Variants in RTN1 observed in about 807,000 individuals in gnomAD.
RTN1 encodes reticulon 1, also known as reticulon-1.
RTN1 carries 25 observed loss-of-function variants against 65.5 expected under a neutral mutation model. That is an observed-to-expected ratio of 0.38 (90% CI 0.28 to 0.53). RTN1 has a LOEUF of 0.53. RTN1 is among the 20% of genes least tolerant of loss of function. RTN1 has a pLI of 0.79. For synonymous variants in RTN1, 471 were observed against 447.6 expected (o/e 1.05, Z -0.66); for missense variants, 983 against 1,025.4 (o/e 0.96, Z 0.57).
At position 59,603,130 on chromosome 14, in the gene RTN1, A is replaced by G; in HGVS notation, c.2230-7T>C. 1 of 1,610,420 alleles carries G rather than the reference A, an allele frequency of 6.2e-7. No homozygotes were observed. ...GATATTGGTCAATCTGTGCCTACAT[A>G]AAGAAAAAAAAAATAATGAGCATAT... On this transcript the variant is annotated splice_polypyrimidine_tract_variant and splice_region_variant and intron_variant, in intron 7 of 8. Coordinates refer to ENST00000267484, the MANE Select transcript of RTN1 (RefSeq NM_021136.3).
chr14:59,715,730 G>T (rs1455069243), intron 3 of RTN1, among the ~76,000 whole-genome samples: 1 of 151,816 alleles, frequency 6.6e-6, no homozygotes, highest in Non-Finnish European at 1.5e-5. Context: ...GGAGGCTGAG[G>T]CAAGAGAATT....
chr14:59,741,344 T>C (rs1292413477), intron 2 of RTN1, among the ~76,000 whole-genome samples: 3 of 152,168 alleles, frequency 2.0e-5, no homozygotes, highest in Non-Finnish European at 2.9e-5. Flanking sequence ...AAGCCTCTCC[T>C]CACCCCCACC....
chr14:59,669,342 A>G (rs935552635), intron 3 of RTN1, among the ~76,000 whole-genome samples: 2 of 152,148 alleles, frequency 1.3e-5, no homozygotes, highest in African/African-American at 4.8e-5. Context: ...ATTCTCTTCA[A>G]ATTATCACAA....
intron 3 of RTN1, among the ~76,000 whole-genome samples, chr14:59,655,262 G>A (rs1372430061): frequency 6.6e-6 from 1 of 152,086 alleles, no homozygotes; most frequent in Non-Finnish European, 1.5e-5. Flanking sequence ...ATGAGCAAAA[G>A]TCATACCCTG....
At chr14:59,782,165 C>A (rs1886167452) in intron 1 of RTN1, among the ~76,000 whole-genome samples, 1 of 152,112 alleles carries the variant, frequency 6.6e-6, no homozygotes, top group Non-Finnish European at 1.5e-5. Context: ...TTGATCTTGA[C>A]CTTCCCAGCC....
chr14:59,828,804 T>G (rs1055365458), intron 1 of RTN1, among the ~76,000 whole-genome samples: 2 of 152,184 alleles, frequency 1.3e-5, no homozygotes, highest in Non-Finnish European at 2.9e-5. Context: ...TAACATGATT[T>G]CAGAATGAAA....
At chr14:59,635,645 G>T (rs1882648636) in intron 3 of RTN1, among the ~76,000 whole-genome samples, 1 of 152,074 alleles carries the variant, frequency 6.6e-6, no homozygotes, top group African/African-American at 2.4e-5. Context: ...TTTGTCAGCG[G>T]AAAAGAAAAT....
chr14:59,780,544 G>T (rs543383501), intron 1 of RTN1, among the ~76,000 whole-genome samples: 1 of 152,176 alleles, frequency 6.6e-6, no homozygotes, highest in Non-Finnish European at 1.5e-5. Context: ...AAAAAATATG[G>T]AGCATAATCA....
At chr14:59,828,304 T>C (rs1023574250) in intron 1 of RTN1, among the ~76,000 whole-genome samples, 3 of 152,222 alleles carry the variant, frequency 2.0e-5, no homozygotes, top group Non-Finnish European at 4.4e-5. Flanking sequence ...GGGTTAACTA[T>C]ACATCATTAG....
chr14:59,753,157 G>A (rs796965807), intron 1 of RTN1, among the ~76,000 whole-genome samples: 53 of 152,270 alleles, frequency 3.5e-4, no homozygotes, highest in African/African-American at 1.1e-3. Flanking sequence ...CTTCTCAGAT[G>A]TACAGTAATA....
At chr14:59,699,136 T>C (rs73311511) in intron 3 of RTN1, among the ~76,000 whole-genome samples, 3,035 of 152,240 alleles carry the variant, frequency 0.02, 94 homozygotes, top group African/African-American at 0.067. Context: ...TATATCATCA[T>C]GGTTAATATG....
intron 1 of RTN1, among the ~76,000 whole-genome samples, chr14:59,793,596 T>A (rs1211747196): frequency 6.7e-6 from 1 of 150,298 alleles, no homozygotes; most frequent in African/African-American, 2.5e-5. Context: ...TATCAGAGAA[T>A]TCATAAAAAT....
intron 3 of RTN1, among the ~76,000 whole-genome samples, chr14:59,669,123 A>G (rs1883445113): frequency 6.6e-6 from 1 of 152,234 alleles, no homozygotes; most frequent in African/African-American, 2.4e-5. Context: ...CCAAAGGATT[A>G]TAAATCATGC....
At chr14:59,726,441 G>A (rs1470178742) in intron 3 of RTN1, among the ~76,000 whole-genome samples, 2 of 152,162 alleles carry the variant, frequency 1.3e-5, no homozygotes, top group Non-Finnish European at 2.9e-5. Context: ...TAAGAGAAAG[G>A]ATGGAGCTGA....
At chr14:59,850,700 G>A (rs995458390) in intron 1 of RTN1, among the ~76,000 whole-genome samples, 1 of 152,100 alleles carries the variant, frequency 6.6e-6, no homozygotes, top group African/African-American at 2.4e-5. Flanking sequence ...GGAGGTTAGT[G>A]GTTATTATGC....
chr14:59,859,881 G>A (rs1256207027), intron 1 of RTN1, among the ~76,000 whole-genome samples: 2 of 152,128 alleles, frequency 1.3e-5, no homozygotes, highest in African/African-American at 4.8e-5. Context: ...GATGATTTAC[G>A]GTATCTGGCA....
chr14:59,828,656 G>T (rs969366504), intron 1 of RTN1, among the ~76,000 whole-genome samples: 3 of 152,140 alleles, frequency 2.0e-5, no homozygotes, highest in African/African-American at 7.2e-5. Context: ...CCACTACAGA[G>T]GTCCTTACAA....
chr14:59,600,945 C>T (rs151169839), intron 8 of RTN1, among the ~76,000 whole-genome samples: 1 of 152,306 alleles, frequency 6.6e-6, no homozygotes, highest in East Asian at 1.9e-4. Context: ...AACCTCCTAG[C>T]TGATGGCCAC....
intron 3 of RTN1, among the ~76,000 whole-genome samples, chr14:59,661,213 C>G (rs576437461): frequency 1.7e-4 from 19 of 112,752 alleles, no homozygotes; most frequent in East Asian, 2.9e-4. Context: ...CTGAACAGAC[C>G]AATATCAAGT....
Sources: allele counts gnomAD v4.1 joint callset (sites outside exome capture counted in the v4.1 genomes callset), GRCh38; gene constraint gnomAD v4.1.1; transcripts MANE v1.5; gene names NCBI Gene and HGNC (gene_info 2026-07-23, HGNC 2026-07-21).